Variants in ARFRP1 observed in about 807,000 individuals in gnomAD.
The protein encoded by ARFRP1 is ARF related protein 1.
Under a neutral mutation model 30.3 loss-of-function variants are expected in ARFRP1, and 19 were observed. The observed-to-expected ratio is 0.63, with a 90% CI of 0.44 to 0.92. ARFRP1 has a LOEUF of 0.92. Ranked by LOEUF, ARFRP1 falls within the 40% of genes least tolerant of loss-of-function variation. The pLI, the probability that ARFRP1 is intolerant of heterozygous loss-of-function variation, is 0.00. For synonymous variants in ARFRP1, 133 were observed against 114.2 expected (o/e 1.16, Z -1.05); for missense variants, 245 against 267.5 (o/e 0.92, Z 0.59).
rs753873868 is a variant in ARFRP1, at chr20:63,702,105, A to G, written c.346+31T>C. On this transcript the variant is annotated intron_variant, in intron 5 of 7. Coordinates refer to ENST00000622789, the MANE Select transcript of ARFRP1 (RefSeq NM_001267547.3). The stretch of plus-strand genomic sequence containing the variant: ...CTGGACCTGCCCCCACTCACCATCC[A>G]TCCCTCCCAGAGCAGCCAGGCCGCA... The G allele has an allele frequency of 3.1e-6, 5 of 1,596,756 alleles. No individual in the cohort carries two copies. In the African/African-American group the frequency reaches 5.5e-5, roughly 18 times the overall value.
At chr20:63,702,556 C>A in intron 4 of ARFRP1, 3 of 343,584 alleles carry the variant, frequency 8.7e-6, no homozygotes, top group South Asian at 8.4e-5. Context: ...TCACGGCCAA[C>A]CTGGGCAACA....
rs2091168481 is a variant in ARFRP1, at chr20:63,700,798, A to G, written c.418-96T>C. On this transcript the variant is annotated intron_variant, in intron 6 of 7. Coordinates refer to ENST00000622789, the MANE Select transcript of ARFRP1 (RefSeq NM_001267547.3). The stretch of plus-strand genomic sequence containing the variant: ...CAGAAGGGCGTATGCCCTTCACCCC[A>G]GGGAAACAGCCAGAGCTCCACCAGG... 11 of 1,485,970 alleles carry G rather than the reference A, an allele frequency of 7.4e-6. No individual in the cohort carries two copies. In the South Asian group the frequency reaches 1.4e-4, roughly 18 times the overall value. The allele number at this position is 1,485,970 out of a possible 1,614,324, so 92.0% of individuals were successfully genotyped here.
At chr20:63,707,237 C>G (rs1490902444) in intron 1 of ARFRP1, 140 bp from the exon 2 acceptor site, 1 of 673,176 alleles carries the variant, frequency 1.5e-6, no homozygotes, top group African/African-American at 1.8e-5. Flanking sequence ...CTCCTCGTCC[C>G]TCTCCCACCC....
rs1461253702 is a variant in ARFRP1 at position 63,700,337 on chromosome 20, C to CCAAAG, written c.*101_*105dup. 45 of 1,505,218 alleles carry CCAAAG rather than the reference C, an allele frequency of 3.0e-5. No individual in the cohort carries two copies. The East Asian group carries it at 5.0e-4, about 17-fold the overall frequency. The allele number at this position is 1,505,218 out of a possible 1,614,324, so 93.2% of individuals were successfully genotyped here. ...AGAAAACAAAGTAAATAGAAGAACC[C>CCAAAG]CAAAGCAAAGCAAACCCACCCCCCA... On this transcript the variant is annotated 3_prime_UTR_variant, in exon 8 of 8. Coordinates refer to ENST00000622789, the MANE Select transcript of ARFRP1 (RefSeq NM_001267547.3).
At chr20:63,702,560 G>A (rs542013600) in intron 4 of ARFRP1, 3 of 337,630 alleles carry the variant, frequency 8.9e-6, no homozygotes, top group East Asian at 7.1e-5. Context: ...GGCCAACCTG[G>A]GCAACACAGT....
chr20:63,706,551 G>C (rs766047766), intron 3 of ARFRP1, 100 bp downstream of exon 3: 5 of 1,518,612 alleles, frequency 3.3e-6, no homozygotes, highest in Non-Finnish European at 4.6e-6. Flanking sequence ...AATGAGACTT[G>C]AGAGGGGCCC....
At chr20:63,703,659 C>T (rs1420475567) in intron 4 of ARFRP1, 1 of 152,352 alleles carries the variant, frequency 6.6e-6, no homozygotes, top group Non-Finnish European at 1.5e-5. Context: ...GTGGAGGCTG[C>T]AGCAAGCCCA....
intron 6 of ARFRP1, chr20:63,701,464 C>A: frequency 2.1e-6 from 1 of 485,138 alleles, no homozygotes; most frequent in Non-Finnish European, 4.1e-6. Flanking sequence ...AGGTAAGGGT[C>A]AGAGCTGACT....
In ARFRP1 at chr20:63,702,197, G is replaced by A. The variant is rs777766763; in HGVS notation, c.285C>T (p.Gly95=). The A allele has an allele frequency of 1.6e-5, 25 of 1,611,838 alleles. No individual in the cohort carries two copies. The highest frequency in any genetic ancestry group is 1.7e-4 in the Middle Eastern group (1 of 6,060). ...CGGTGGAGTCAATGACGTAGATGAC[G>A]CCGTGACACTCCGCATAATACTGGG... The part of the protein sequence containing the change: ...LWDKYYAECH[G]VIYVIDSTDE... The change falls in exon 5 of 8, where the codon GGC becomes GGT. Residue 95 remains glycine (G), a synonymous_variant. Coordinates refer to ENST00000622789, the MANE Select transcript of ARFRP1 (RefSeq NM_001267547.3).
Position 63,701,906 on chromosome 20 carries a change from G to A in ARFRP1, c.347-6C>T, listed in dbSNP as rs916934570. On this transcript the variant is annotated splice_polypyrimidine_tract_variant and splice_region_variant and intron_variant, in intron 5 of 7. Coordinates refer to ENST00000622789, the MANE Select transcript of ARFRP1 (RefSeq NM_001267547.3). The stretch of plus-strand genomic sequence containing the variant: ...CTCGCTGGTCACCACCTTCTCTGGG[G>A]AGGGCAGGAGAGGCAGCGCCTCACA... 9.0e-6 allele frequency: 14 copies of A among 1,549,718 alleles called. No individual in the cohort carries two copies. The highest frequency in any genetic ancestry group is 1.4e-5 in the African/African-American group (1 of 72,962).
rs764186946 is a variant in ARFRP1, at chr20:63,706,983, G to A, written c.93+16C>T. 1 of 1,613,002 alleles carries A rather than the reference G, an allele frequency of 6.2e-7. No individual in the cohort carries two copies. Among genetic ancestry groups the A allele is most frequent in the Non-Finnish European group, 8.5e-7 (1 of 1,179,652 alleles). ...CAGGCCGTGGGAAAGGTGCGCGCAA[G>A]GGCGTGGGCACTCACCGTCTTCCCA... On this transcript the variant is annotated intron_variant, in intron 2 of 7. Coordinates refer to ENST00000622789, the MANE Select transcript of ARFRP1 (RefSeq NM_001267547.3).
rs2091162209 is a variant in ARFRP1, at chr20:63,700,696, G to A, written c.424C>T (p.Leu142Phe). The A allele has an allele frequency of 1.9e-6, 3 of 1,610,612 alleles. No individual in the cohort carries two copies. The highest frequency in any genetic ancestry group is 2.5e-6 in the Non-Finnish European group (3 of 1,179,882). Residue 142 changes from leucine (L) to phenylalanine (F), a missense_variant, in exon 7 of 8, where the codon CTC becomes TTC. By Grantham distance (22) the Leu-to-Phe change is conservative. Transcript: ENST00000622789. ...LANKQDVETC[L>F]SIPDIKTAFS... is the part of the protein sequence containing the mutation. ...GCCGTCTTGATGTCAGGGATTGAGA[G>A]GCACGTCTGGGGGAGGTAAGGCCGT...
intron 5 of ARFRP1, 98 bp from the exon 6 acceptor site, chr20:63,701,998 G>GCCCCCACCCCCCCCCCCCC: frequency 1.7e-6 from 1 of 583,916 alleles, no homozygotes; most frequent in Non-Finnish European, 2.6e-6. Flanking sequence ...CACTCCCTCT[G>GCCCCCACCCCCCCCCCCCC]CCCCCCCCCC....
At position 63,702,467 on chromosome 20, in the gene ARFRP1, A is replaced by T. The variant is rs2091262852; in HGVS notation, c.265-250T>A. The T allele has an allele frequency of 3.2e-5, 17 of 534,116 alleles. No homozygotes were observed. In the South Asian group the frequency reaches 3.4e-4, roughly 11 times the overall value. The allele number at this position is 534,116 out of a possible 1,614,324, so 33.1% of individuals were successfully genotyped here. ...TGGTGGCCAAAGGTGAAAGACAGGG[A>T]TTGGGCCAGGCGTGGTGGCTCACAC... On this transcript the variant is annotated intron_variant, in intron 4 of 7. Transcript: ENST00000622789.
intron 6 of ARFRP1, among the ~76,000 whole-genome samples, chr20:63,700,996 G>A (rs1385741810): frequency 6.6e-6 from 1 of 152,202 alleles, no homozygotes; most frequent in African/African-American, 2.4e-5. Flanking sequence ...GCTGAGGACT[G>A]AGGCCTCCTG....
intron 4 of ARFRP1, chr20:63,703,463 G>C (rs370857302): frequency 1.3e-5 from 2 of 150,228 alleles, no homozygotes; most frequent in South Asian, 4.2e-4. Flanking sequence ...AAGGCCAGGC[G>C]CCCTCCAGGG....
chr20:63,702,002 C>CA (rs2091232197), intron 5 of ARFRP1, 102 bp from the exon 6 acceptor site: 6 of 377,300 alleles, frequency 1.6e-5, no homozygotes, highest in Admixed American at 5.1e-5. Context: ...CCCTCTGCCC[C>CA]CCCCCCCCCC....
Position 63,700,683 on chromosome 20 carries a change from T to C in ARFRP1, c.437A>G (p.Asp146Gly). The C allele has an allele frequency of 6.2e-7, 1 of 1,610,878 alleles. No homozygotes were observed. The highest frequency in any genetic ancestry group is 8.5e-7 in the Non-Finnish European group (1 of 1,179,860). ...QDVETCLSIP[D>G]IKTAFSDCTS... is the part of the protein sequence containing the mutation. ...GCAGTCGCTGAAGGCCGTCTTGATG[T>C]CAGGGATTGAGAGGCACGTCTGGGG... The change falls in exon 7 of 8, where the codon GAC (aspartate) becomes GGC (glycine). Residue 146 changes from aspartate to glycine, a missense_variant. Physicochemically the swap from Asp to Gly is moderately conservative, Grantham distance 94 (BLOSUM62 -1). Coordinates refer to ENST00000622789, the MANE Select transcript of ARFRP1 (RefSeq NM_001267547.3).
At chr20:63,704,163 A>G (rs1601261615) in intron 4 of ARFRP1, 4 of 152,256 alleles carry the variant, frequency 2.6e-5, no homozygotes, top group Admixed American at 2.0e-4. Context: ...CCAATTCGCA[A>G]TGACGCCCCT....
Sources: gnomAD v4.1 joint callset for allele counts (sites outside exome capture counted in the v4.1 genomes callset) on GRCh38, gnomAD v4.1.1 for gene constraint, MANE v1.5 for transcripts, NCBI Gene and HGNC (gene_info 2026-07-23, HGNC 2026-07-21) for gene names.